Variants in CSMD1 observed in about 807,000 individuals in gnomAD.
CSMD1 encodes CUB and Sushi multiple domains 1, also known as CUB and sushi domain-containing protein 1.
A neutral mutation model predicts 417.5 loss-of-function variants in CSMD1; 213 were observed. That is an observed-to-expected ratio of 0.51 (90% CI 0.46 to 0.57). The LOEUF (loss-of-function observed/expected upper bound fraction) is 0.57, where lower values mean the gene tolerates loss of function less well. Ranked by LOEUF, CSMD1 falls within the 20% of genes least tolerant of loss-of-function variation. CSMD1 has a pLI of 0.00. For synonymous variants in CSMD1, 2,862 were observed against 1,736.8 expected (o/e 1.65, Z -16.11); for missense variants, 6,923 against 4,529.7 (o/e 1.53, Z -15.17).
chr8:4,769,854 A>T (rs1402874284), intron 1 of CSMD1, among the ~76,000 whole-genome samples: 1 of 152,178 alleles, frequency 6.6e-6, no homozygotes, highest in Non-Finnish European at 1.5e-5. Flanking sequence ...TCTCTTAAAG[A>T]ATATATGCAT....
chr8:3,747,577 T>C (rs2129052221), intron 6 of CSMD1, among the ~76,000 whole-genome samples: 1 of 152,222 alleles, frequency 6.6e-6, no homozygotes, highest in South Asian at 2.1e-4. Context: ...TCTTTCCAAG[T>C]TTGTTTATTA....
intron 3 of CSMD1, among the ~76,000 whole-genome samples, chr8:4,080,265 C>G (rs1800058873): frequency 6.6e-6 from 1 of 152,132 alleles, no homozygotes; most frequent in African/African-American, 2.4e-5. Context: ...AACAATGACT[C>G]CTACTTGACA....
At chr8:3,633,482 C>T (rs1242340519) in intron 7 of CSMD1, among the ~76,000 whole-genome samples, 1 of 152,118 alleles carries the variant, frequency 6.6e-6, no homozygotes, top group Non-Finnish European at 1.5e-5. Flanking sequence ...AGTCTGTTCC[C>T]AATTTAGAAG....
At position 3,982,768 on chromosome 8, in the gene CSMD1, T is replaced by C. The variant is rs147613378; in HGVS notation, c.818+15135A>G. ...CGTGGAAGGAGCTGCCCACAGATAATGGACAGGGCCAGAACGAGGGCAAGA... is the reference window on the plus strand; with the variant it reads ...CGTGGAAGGAGCTGCCCACAGATAACGGACAGGGCCAGAACGAGGGCAAGA... On this transcript the variant is annotated intron_variant, in intron 5 of 69. Transcript: ENST00000635120. 5.1e-4 allele frequency among the ~76,000 whole-genome samples: 78 copies of C among 152,210 alleles called. No homozygotes were observed. In the East Asian group the frequency reaches 0.014, roughly 28 times the overall value.
intron 1 of CSMD1, among the ~76,000 whole-genome samples, chr8:4,827,380 G>C (rs1171219305): frequency 6.6e-6 from 1 of 152,116 alleles, no homozygotes; most frequent in Non-Finnish European, 1.5e-5. Context: ...GGCTGCTCGA[G>C]TTACCTTCCT....
At chr8:4,569,650 C>G (rs186833164) in intron 2 of CSMD1, among the ~76,000 whole-genome samples, 3 of 151,428 alleles carry the variant, frequency 2.0e-5, no homozygotes, top group South Asian at 4.2e-4. Flanking sequence ...TCCACATGAC[C>G]TTTAGTTTTT....
intron 12 of CSMD1, among the ~76,000 whole-genome samples, chr8:3,448,893 A>T (rs1815504813): frequency 6.6e-6 from 1 of 152,228 alleles, no homozygotes; most frequent in South Asian, 2.1e-4. Flanking sequence ...TCTATTCCAG[A>T]AGAAGCACCT....
intron 1 of CSMD1, among the ~76,000 whole-genome samples, chr8:4,902,777 G>A (rs77871482): frequency 0.023 from 3,484 of 152,026 alleles, 108 homozygotes; most frequent in African/African-American, 0.07. Flanking sequence ...ATCTGCCCAG[G>A]CAGTAAACAC....
At chr8:4,022,731 T>G (rs1215688534) in intron 4 of CSMD1, among the ~76,000 whole-genome samples, 1 of 152,292 alleles carries the variant, frequency 6.6e-6, no homozygotes, top group Non-Finnish European at 1.5e-5. Context: ...GACAACTCAC[T>G]GGATGAACAG....
chr8:4,713,233 G>A (rs552763139), intron 1 of CSMD1, among the ~76,000 whole-genome samples: 63 of 152,306 alleles, frequency 4.1e-4, no homozygotes, highest in African/African-American at 1.5e-3. Flanking sequence ...AGATTTATTA[G>A]CCAATTACTC....
chr8:4,661,549 T>A (rs1019067675), intron 1 of CSMD1, among the ~76,000 whole-genome samples: 1 of 152,172 alleles, frequency 6.6e-6, no homozygotes, highest in African/African-American at 2.4e-5. Flanking sequence ...GTGATATAAA[T>A]ATTCTGTATC....
chr8:3,676,067 G>A (rs17066880), intron 7 of CSMD1, among the ~76,000 whole-genome samples: 3,000 of 152,318 alleles, frequency 0.02, 57 homozygotes, highest in African/African-American at 0.054. Context: ...CATTTGATTA[G>A]CACCTGTATC....
At chr8:3,616,651 T>A in intron 8 of CSMD1, 59 bp downstream of exon 8, 2 of 1,110,682 alleles carry the variant, frequency 1.8e-6, no homozygotes, top group Non-Finnish European at 2.7e-6. Context: ...AACTGCAAGC[T>A]GAAATAATAT....
chr8:4,292,754 C>A (rs1244611222), intron 3 of CSMD1, among the ~76,000 whole-genome samples: 2 of 152,044 alleles, frequency 1.3e-5, no homozygotes, highest in Non-Finnish European at 2.9e-5. Flanking sequence ...CATCATTGTT[C>A]AAACTGAATA....
chr8:3,894,934 T>C (rs1158333431), intron 5 of CSMD1, among the ~76,000 whole-genome samples: 1 of 152,226 alleles, frequency 6.6e-6, no homozygotes, highest in African/African-American at 2.4e-5. Flanking sequence ...ACCATACAGA[T>C]GACAATTTCC....
intron 1 of CSMD1, among the ~76,000 whole-genome samples, chr8:4,824,794 A>C (rs1482060944): frequency 6.6e-6 from 1 of 152,198 alleles, no homozygotes; most frequent in Non-Finnish European, 1.5e-5. Context: ...TAGTATTTTA[A>C]TGTACTCGGA....
chr8:4,914,501 C>G (rs946043589), intron 1 of CSMD1, among the ~76,000 whole-genome samples: 1 of 150,366 alleles, frequency 6.7e-6, no homozygotes, highest in Non-Finnish European at 1.5e-5. Flanking sequence ...TGGCGTGAAC[C>G]TGGGATGCGG....
intron 40 of CSMD1, among the ~76,000 whole-genome samples, chr8:3,145,405 G>T (rs1363655414): frequency 6.6e-6 from 1 of 152,134 alleles, no homozygotes; most frequent in East Asian, 1.9e-4. Flanking sequence ...GCACAGTCAC[G>T]AAACATAACA....
chr8:4,161,840 A>G (rs551021356), intron 3 of CSMD1, among the ~76,000 whole-genome samples: 86 of 152,260 alleles, frequency 5.6e-4, no homozygotes, highest in African/African-American at 1.9e-3. Flanking sequence ...ATGTCACTGC[A>G]TTTTTTTCTT....
Sources: allele counts gnomAD v4.1 joint callset (sites outside exome capture counted in the v4.1 genomes callset), GRCh38; gene constraint gnomAD v4.1.1; transcripts MANE v1.5; gene names NCBI Gene and HGNC (gene_info 2026-07-23, HGNC 2026-07-21).